Variants in NSD2 observed in about 807,000 individuals in gnomAD.
The protein encoded by NSD2 is nuclear receptor binding SET domain protein 2.
NSD2 carries 12 observed loss-of-function variants against 139.0 expected under a neutral mutation model. The ratio of observed to expected loss-of-function variants is 0.09; its 90% CI spans 0.06 to 0.14. The LOEUF is 0.14. NSD2 is among the 10% of genes least tolerant of loss of function. NSD2 has a pLI of 1.00. For synonymous variants in NSD2, 669 were observed against 648.7 expected (o/e 1.03, Z -0.48); for missense variants, 1,155 against 1,745.0 (o/e 0.66, Z 6.02).
intron 5 of NSD2, among the ~76,000 whole-genome samples, chr4:1,922,404 A>G (rs1313132723): frequency 6.6e-6 from 1 of 152,248 alleles, no homozygotes; most frequent in Non-Finnish European, 1.5e-5. Flanking sequence ...AGAGAAAAAT[A>G]ACTGATATTT....
intron 1 of NSD2, among the ~76,000 whole-genome samples, chr4:1,891,018 C>T (rs956878645): frequency 9.2e-5 from 14 of 152,110 alleles, no homozygotes; most frequent in Admixed American, 2.6e-4. Flanking sequence ...CTCAGCTTCC[C>T]GCGTAGCTAA....
chr4:1,970,507 C>G (rs976977311), intron 18 of NSD2, among the ~76,000 whole-genome samples: 1 of 152,072 alleles, frequency 6.6e-6, no homozygotes, highest in African/African-American at 2.4e-5. Context: ...TGGCAGCTGC[C>G]GGGGGTGAGT....
chr4:1,881,508 C>T (rs913782354), intron 1 of NSD2, among the ~76,000 whole-genome samples: 1 of 152,168 alleles, frequency 6.6e-6, no homozygotes, highest in Admixed American at 6.5e-5. Flanking sequence ...CATGATCCAC[C>T]CGCCTCGGCC....
rs536914114 is a variant in NSD2 at position 1,942,818 on chromosome 4, G to A, written c.1881+3040G>A. 5.6e-6 allele frequency: 6 copies of A among 1,073,024 alleles called. No individual in the cohort carries two copies. Among genetic ancestry groups the A allele is most frequent in the Admixed American group, 4.9e-5 (1 of 20,546 alleles). The allele number at this position is 1,073,024 out of a possible 1,614,324, so 66.5% of individuals were successfully genotyped here. On this transcript the variant is annotated intron_variant, in intron 9 of 21. Coordinates refer to ENST00000508803, the MANE Select transcript of NSD2 (RefSeq NM_001042424.3). This position sits in a 1 kb window ranked among gnomAD's most constrained non-coding sequence, Gnocchi z 4.0. The stretch of plus-strand genomic sequence containing the variant: ...CCTCAGAAACAAACTAACAGCACAC[G>A]TTAGGAGGAGTCCTCATCAGCTGTT...
At chr4:1,931,131 G>A (rs530818687) in intron 6 of NSD2, among the ~76,000 whole-genome samples, 5 of 152,118 alleles carry the variant, frequency 3.3e-5, no homozygotes, top group African/African-American at 1.2e-4. Context: ...GATGTGGTAG[G>A]GTCAGCCTTC....
chr4:1,964,638 G>C (rs752145888), intron 18 of NSD2, among the ~76,000 whole-genome samples: 3 of 151,942 alleles, frequency 2.0e-5, no homozygotes, highest in Non-Finnish European at 4.4e-5. Flanking sequence ...CTGCGCTGCC[G>C]TTGTTATCAC....
intron 7 of NSD2, among the ~76,000 whole-genome samples, chr4:1,936,375 T>G (rs1248039663): frequency 6.6e-6 from 1 of 152,086 alleles, no homozygotes; most frequent in African/African-American, 2.4e-5. Context: ...TCTATTTTAT[T>G]CGATAATAGT....
intron 21 of NSD2, among the ~76,000 whole-genome samples, chr4:1,977,888 A>G (rs924194860): frequency 3.3e-5 from 5 of 152,064 alleles, no homozygotes; most frequent in Non-Finnish European, 4.4e-5. Flanking sequence ...CACTTCTGAG[A>G]GGCCAAGGTG....
In NSD2 at chr4:1,951,986, T is replaced by C. The variant is rs1294385548; in HGVS notation, c.2014-122T>C. 19 of 1,461,474 alleles carry C rather than the reference T, an allele frequency of 1.3e-5. No individual in the cohort carries two copies. The East Asian group carries it at 2.8e-4, about 22-fold the overall frequency. The allele number at this position is 1,461,474 out of a possible 1,614,324, so 90.5% of individuals were successfully genotyped here. ...ACGTTTGCCCATGCATGTTATTATA[T>C]ATCCTTGAGTAGCAAAATGGGATTT... On this transcript the variant is annotated intron_variant, in intron 10 of 21. Transcript: ENST00000508803.
At chr4:1,977,004 G>A (rs940124695) in intron 21 of NSD2, among the ~76,000 whole-genome samples, 3 of 152,234 alleles carry the variant, frequency 2.0e-5, no homozygotes. Flanking sequence ...GGAAGGAGGC[G>A]ACGCTGGGAA....
chr4:1,876,083 C>T (rs1714234788), intron 1 of NSD2, among the ~76,000 whole-genome samples: 1 of 139,394 alleles, frequency 7.2e-6, no homozygotes, highest in African/African-American at 2.7e-5. Context: ...GGCATGGTTG[C>T]AGTGCCTGTA....
At position 1,975,323 on chromosome 4, in the gene NSD2, G is replaced by A; in HGVS notation, c.3544G>A (p.Asp1182Asn). ...GGAGCTGACTTTTAACTACAACCTC[G>A]ATTGTCTGGGCAATGAAAAAACGGT... The part of the protein sequence containing the change: ...GTELTFNYNL[D>N]CLGNEKTVCR... The change falls in exon 20 of 22, where the codon GAT (aspartate) becomes AAT (asparagine). Residue 1182 changes from aspartate (D) to asparagine (N), a missense_variant. Physicochemically the swap from Asp to Asn is conservative, Grantham distance 23. Transcript: ENST00000508803. The A allele has an allele frequency of 6.2e-7, 1 of 1,614,156 alleles. No individual in the cohort carries two copies. The highest frequency in any genetic ancestry group is 8.5e-7 in the Non-Finnish European group (1 of 1,180,048).
chr4:1,892,992 G>T (rs1253382099), intron 1 of NSD2: 1 of 152,060 alleles, frequency 6.6e-6, no homozygotes, highest in Non-Finnish European at 1.5e-5. Context: ...ATTTTAAGAA[G>T]AAAAATATTT....
At chr4:1,941,913 T>C (rs183874071) in intron 9 of NSD2, 2 of 1,072,138 alleles carry the variant, frequency 1.9e-6, no homozygotes, top group African/African-American at 1.6e-5. Flanking sequence ...TGTAGTGTTA[T>C]AAAAAACAGC....
intron 5 of NSD2, among the ~76,000 whole-genome samples, chr4:1,926,233 C>T (rs1720898960): frequency 1.3e-5 from 2 of 150,662 alleles, no homozygotes; most frequent in South Asian, 4.2e-4. Flanking sequence ...CGGCTCACTG[C>T]AACCTCCGTC....
At chr4:1,891,329 A>G (rs533128210) in intron 1 of NSD2, among the ~76,000 whole-genome samples, 1 of 152,332 alleles carries the variant, frequency 6.6e-6, no homozygotes, top group South Asian at 2.1e-4. Context: ...TCATATTTGC[A>G]AACTTGGGTT....
At chr4:1,935,356 C>T (rs891192917) in intron 7 of NSD2, 94 bp downstream of exon 7, 2 of 927,534 alleles carry the variant, frequency 2.2e-6, no homozygotes, top group Admixed American at 2.1e-5. Flanking sequence ...ACATGAGATG[C>T]AGGTGTCAGT....
rs146325430 is a variant in NSD2, at chr4:1,981,519, C to A, written c.*2610C>A. The A allele has an allele frequency of 3.7e-4, 102 of 273,302 alleles. No individual in the cohort carries two copies. Among genetic ancestry groups the A allele is most frequent in the African/African-American group, 1.9e-3 (87 of 46,750 alleles). The allele number at this position is 273,302 out of a possible 1,614,324, so 16.9% of individuals were successfully genotyped here. A position where few individuals can be genotyped will look rare whatever the true frequency, so the allele number is the denominator to read the frequency against. ...TCCGAAACCAGCATCTGCACCTAAA[C>A]CCATACCCACCCGTGTGCGCCCACA... On this transcript the variant is annotated 3_prime_UTR_variant, in exon 22 of 22. Transcript: ENST00000508803.
At chr4:1,945,173 A>G (rs886224569) in intron 9 of NSD2, 18 of 1,067,060 alleles carry the variant, frequency 1.7e-5, no homozygotes, top group Non-Finnish European at 1.9e-5. Flanking sequence ...AGTACTTCAC[A>G]CAGAAGCCTA....
Sources: gnomAD v4.1 joint callset for allele counts (sites outside exome capture counted in the v4.1 genomes callset) on GRCh38, gnomAD v4.1.1 for gene constraint, Gnocchi (gnomAD v3.1) non-coding constraint, MANE v1.5 for transcripts, NCBI Gene and HGNC (gene_info 2026-07-23, HGNC 2026-07-21) for gene names.